The following ARID2 variants were observed in gnomAD, a reference collection of about 807,000 sequenced individuals.
ARID2 encodes the protein AT-rich interaction domain 2, also known as AT-rich interactive domain-containing protein 2.
Under a neutral mutation model 184.6 loss-of-function variants are expected in ARID2, and 32 were observed. The ratio of observed to expected loss-of-function variants is 0.17; its 90% confidence interval spans 0.13 to 0.23. The LOEUF is 0.23. ARID2 is among the 10% of genes least tolerant of loss of function. The pLI is 1.00. For synonymous variants in ARID2, 836 were observed against 772.6 expected (o/e 1.08, Z -1.36); for missense variants, 1,696 against 2,197.6 (o/e 0.77, Z 4.56).
At chr12:45,858,928 C>G (rs764514350) in intron 15 of ARID2, among the ~76,000 whole-genome samples, 2 of 152,204 alleles carry the variant, frequency 1.3e-5, no homozygotes, top group Non-Finnish European at 2.9e-5. Context: ...ATTTTTCCCT[C>G]AGAGCTTAGA....
At chr12:45,827,311 T>C (rs898928609) in intron 6 of ARID2, among the ~76,000 whole-genome samples, 2 of 152,112 alleles carry the variant, frequency 1.3e-5, no homozygotes, top group Non-Finnish European at 2.9e-5. Flanking sequence ...TTTATGACAT[T>C]TATCTGATAA....
intron 3 of ARID2, among the ~76,000 whole-genome samples, chr12:45,752,570 G>A (rs1592055019): frequency 6.6e-6 from 1 of 152,180 alleles, no homozygotes; most frequent in African/African-American, 2.4e-5. Flanking sequence ...TGCCCAGGCT[G>A]GAGTGTAATG....
intron 3 of ARID2, among the ~76,000 whole-genome samples, chr12:45,759,626 A>C (rs961130966): frequency 3.3e-5 from 5 of 152,190 alleles, no homozygotes; most frequent in Non-Finnish European, 5.9e-5. Flanking sequence ...TAGATCTCAT[A>C]TCTCTCGTAT....
rs1944514257 is a variant in ARID2 at position 45,905,565 on chromosome 12, G to C, written c.*487G>C. The C allele has an allele frequency of 4.3e-6, 1 of 233,308 alleles. No individual in the cohort carries two copies. The highest frequency in any genetic ancestry group is 8.5e-6 in the Non-Finnish European group (1 of 117,878). 14.5% of individuals were successfully genotyped at this position (233,308 alleles called of 1,614,324 possible). A position where few individuals can be genotyped will look rare whatever the true frequency, so the allele number is the denominator to read the frequency against. ...ACACCTATACCCCCGATCTCAGAGG[G>C]GGCCACCAATATCTAGCTATGGATC... On this transcript the variant is annotated 3_prime_UTR_variant, in exon 21 of 21. Coordinates refer to ENST00000334344, the MANE Select transcript of ARID2 (RefSeq NM_152641.4).
At chr12:45,753,219 C>A (rs1344907607) in intron 3 of ARID2, among the ~76,000 whole-genome samples, 1 of 152,088 alleles carries the variant, frequency 6.6e-6, no homozygotes, top group African/African-American at 2.4e-5. Context: ...ATCACTTGAA[C>A]CCAGAGGCAG....
At chr12:45,755,197 A>C (rs1322952912) in intron 3 of ARID2, among the ~76,000 whole-genome samples, 1 of 152,218 alleles carries the variant, frequency 6.6e-6, no homozygotes, top group Non-Finnish European at 1.5e-5. Context: ...TATTCTGCAT[A>C]TAGTGAGGAT....
chr12:45,842,564 C>A (rs1262550312), intron 11 of ARID2, among the ~76,000 whole-genome samples: 1 of 151,978 alleles, frequency 6.6e-6, no homozygotes, highest in Admixed American at 6.6e-5. Context: ...TGAGACCATC[C>A]TGGCCAACAT....
At chr12:45,830,916 G>C (rs1473239837) in intron 6 of ARID2, among the ~76,000 whole-genome samples, 2 of 151,964 alleles carry the variant, frequency 1.3e-5, no homozygotes, top group African/African-American at 4.8e-5. Context: ...AAATTAGCTG[G>C]GCATTTTGGC....
chr12:45,864,761 C>T (rs1943807639), intron 16 of ARID2, among the ~76,000 whole-genome samples: 1 of 152,104 alleles, frequency 6.6e-6, no homozygotes, highest in South Asian at 2.1e-4. Context: ...CTTTAAGGAT[C>T]ATTGTTCAGA....
chr12:45,861,671 A>C (rs1174998273), intron 16 of ARID2, among the ~76,000 whole-genome samples: 1 of 138,192 alleles, frequency 7.2e-6, no homozygotes, highest in East Asian at 2.1e-4. Context: ...TGCAACCTCC[A>C]CCTCCTAGGT....
At chr12:45,899,141 G>A (rs887850758) in intron 20 of ARID2, among the ~76,000 whole-genome samples, 17 of 150,030 alleles carry the variant, frequency 1.1e-4, no homozygotes, top group East Asian at 3.9e-4. Flanking sequence ...GCGTGGTGGC[G>A]CGTACCTGTA....
At chr12:45,762,081 TG>T (rs1362256468) in intron 3 of ARID2, among the ~76,000 whole-genome samples, 9 of 152,232 alleles carry the variant, frequency 5.9e-5, no homozygotes. Context: ...TATTTTTTCA[TG>T]TCTGCCTGAG....
chr12:45,778,251 C>T (rs73095497), intron 3 of ARID2, among the ~76,000 whole-genome samples: 4 of 151,832 alleles, frequency 2.6e-5, no homozygotes, highest in African/African-American at 4.8e-5. Flanking sequence ...TGTTCCCCCC[C>T]CAACCCGCAA....
intron 20 of ARID2, among the ~76,000 whole-genome samples, chr12:45,903,323 CCATATACGGAACA>C (rs1323348843): frequency 6.6e-6 from 1 of 151,962 alleles, no homozygotes; most frequent in African/African-American, 2.4e-5. Context: ...TGTTTTTTGG[CCATATACGGAACA>C]TATTTCTGTT....
intron 16 of ARID2, among the ~76,000 whole-genome samples, chr12:45,870,533 T>G (rs1431286787): frequency 6.6e-6 from 1 of 152,158 alleles, no homozygotes; most frequent in African/African-American, 2.4e-5. Context: ...TAATGTCATG[T>G]CTCCAACATT....
At chr12:45,870,033 T>C (rs1019000560) in intron 16 of ARID2, among the ~76,000 whole-genome samples, 4 of 152,124 alleles carry the variant, frequency 2.6e-5, no homozygotes, top group African/African-American at 9.7e-5. Flanking sequence ...TCATCCAGGC[T>C]GTAGTGCAGT....
chr12:45,881,100 G>T, intron 16 of ARID2: 1 of 157,810 alleles, frequency 6.3e-6, no homozygotes, highest in Non-Finnish European at 1.4e-5. Flanking sequence ...TCTTGCTGAG[G>T]GTCATGTTGG....
chr12:45,892,819 C>A (rs1020679838), intron 18 of ARID2, among the ~76,000 whole-genome samples: 4 of 152,014 alleles, frequency 2.6e-5, no homozygotes, highest in Admixed American at 2.0e-4. Context: ...CTCTGCAGTT[C>A]TTCCATTCTG....
At chr12:45,888,963 G>A (rs892397246) in intron 16 of ARID2, among the ~76,000 whole-genome samples, 6 of 152,286 alleles carry the variant, frequency 3.9e-5, no homozygotes, top group Admixed American at 6.5e-5. Context: ...CAAGGCAGGC[G>A]AATCACTTGA....
Sources: allele counts gnomAD v4.1 joint callset (sites outside exome capture counted in the v4.1 genomes callset), GRCh38; gene constraint gnomAD v4.1.1; transcripts MANE v1.5; gene names NCBI Gene and HGNC (gene_info 2026-07-23, HGNC 2026-07-21).